The following UST variants were observed in gnomAD, a reference collection of about 807,000 sequenced individuals.
UST encodes the protein uronyl 2-sulfotransferase, also known as chondroitin sulfate 2-O-sulfotransferase.
A neutral mutation model predicts 45.6 loss-of-function variants in UST; 21 were observed. The observed-to-expected ratio is 0.46, with a 90% CI of 0.33 to 0.66. The LOEUF (loss-of-function observed/expected upper bound fraction) is 0.66. Ranked by LOEUF, UST falls within the 30% of genes least tolerant of loss-of-function variation. The pLI is 0.02. For missense variants in UST, 463 were observed against 512.4 expected (o/e 0.90, Z 0.93); for synonymous variants, 215 against 200.6 (o/e 1.07, Z -0.61).
intron 1 of UST, among the ~76,000 whole-genome samples, chr6:148,797,125 C>T (rs1776966764): frequency 6.6e-6 from 1 of 152,018 alleles, no homozygotes; most frequent in Admixed American, 6.6e-5. Flanking sequence ...TTAGAAAGCA[C>T]TGTCAGCTGG....
intron 1 of UST, among the ~76,000 whole-genome samples, chr6:148,791,065 C>G (rs940999428): frequency 2.0e-5 from 3 of 152,242 alleles, no homozygotes; most frequent in Non-Finnish European, 4.4e-5. Flanking sequence ...CAGTGCTTTT[C>G]TGACTCCACC....
intron 1 of UST, among the ~76,000 whole-genome samples, chr6:148,763,006 C>A (rs1017285769): frequency 2.6e-5 from 4 of 152,138 alleles, no homozygotes; most frequent in Admixed American, 6.5e-5. Context: ...TCTTTTCCTT[C>A]CCGTAGATAC....
chr6:148,958,004 A>G (rs896354425), intron 4 of UST, among the ~76,000 whole-genome samples: 4 of 152,064 alleles, frequency 2.6e-5, no homozygotes, highest in African/African-American at 9.7e-5. Flanking sequence ...CCCTCCCCAC[A>G]CTTTTTTTGC....
chr6:149,040,115 A>G (rs548873852), intron 7 of UST, among the ~76,000 whole-genome samples: 26 of 152,308 alleles, frequency 1.7e-4, no homozygotes, highest in Admixed American at 3.9e-4. Flanking sequence ...TCTCTTTTTC[A>G]TACAGTCCTG....
chr6:149,061,914 A>G (rs1313334759), intron 7 of UST, among the ~76,000 whole-genome samples: 1 of 152,260 alleles, frequency 6.6e-6, no homozygotes, highest in Admixed American at 6.5e-5. Context: ...ACATCACTAA[A>G]AAGTACCAAA....
intron 4 of UST, 88 bp from the exon 5 acceptor site, chr6:148,964,322 A>C: frequency 6.7e-7 from 1 of 1,497,124 alleles, no homozygotes; most frequent in Non-Finnish European, 9.2e-7. Context: ...TCAATAAGTT[A>C]ACCTAGAGGG....
intron 7 of UST, among the ~76,000 whole-genome samples, chr6:149,045,017 G>A (rs1438905323): frequency 6.6e-6 from 1 of 152,224 alleles, no homozygotes; most frequent in African/African-American, 2.4e-5. Context: ...GCCAAATTCT[G>A]TAAGTTGATA....
intron 5 of UST, among the ~76,000 whole-genome samples, chr6:148,971,945 A>G (rs1780925922): frequency 6.6e-6 from 1 of 152,216 alleles, no homozygotes; most frequent in Non-Finnish European, 1.5e-5. Flanking sequence ...CAGTGATCCA[A>G]GTGCAAGATA....
rs189233538 is a variant in UST, at chr6:148,810,649, C to A, written c.247+62972C>A. ...GTACCAGGGTAGTTCTGGCCTTGGC[C>A]TTTTTGGATGTGGGCTCAACTCTCT... On this transcript the variant is annotated intron_variant, in intron 1 of 7. Coordinates refer to ENST00000367463, the MANE Select transcript of UST (RefSeq NM_005715.3). Among the ~76,000 whole-genome samples the A allele has an allele frequency of 2.3e-4, 35 of 152,250 alleles. No individual in the cohort carries two copies. The East Asian group carries it at 6.6e-3, about 29-fold the overall frequency.
At chr6:148,754,508 C>T (rs1776058975) in intron 1 of UST, among the ~76,000 whole-genome samples, 1 of 152,128 alleles carries the variant, frequency 6.6e-6, no homozygotes, top group Non-Finnish European at 1.5e-5. Context: ...CATTCTTATG[C>T]CTTTACATCC....
intron 6 of UST, among the ~76,000 whole-genome samples, 169 bp from the exon 7 acceptor site, chr6:149,021,155 G>A (rs1171143848): frequency 2.0e-5 from 3 of 152,204 alleles, no homozygotes; most frequent in African/African-American, 4.8e-5. Flanking sequence ...ACACCAGTTG[G>A]AAGGACTGGG....
At chr6:148,905,865 TATAATATTCTTC>T (rs1779347412) in intron 2 of UST, among the ~76,000 whole-genome samples, 1 of 152,216 alleles carries the variant, frequency 6.6e-6, no homozygotes, top group Non-Finnish European at 1.5e-5. Flanking sequence ...CTTCTGACCT[TATAATATTCTTC>T]TGTAACAATA....
At chr6:149,019,281 G>A (rs1317941431) in intron 6 of UST, 45 bp downstream of exon 6, 2 of 1,474,672 alleles carry the variant, frequency 1.4e-6, no homozygotes, top group Non-Finnish European at 1.9e-6. Flanking sequence ...CGCACAACAA[G>A]GGCAAGAACC....
intron 1 of UST, among the ~76,000 whole-genome samples, chr6:148,835,570 CTCG>C (rs1777771959): frequency 1.3e-5 from 2 of 152,108 alleles, no homozygotes; most frequent in Admixed American, 6.5e-5. Context: ...GTGGTTTTGT[CTCG>C]AAGAGCTCAA....
At chr6:148,880,473 C>T (rs1778802144) in intron 1 of UST, among the ~76,000 whole-genome samples, 1 of 152,158 alleles carries the variant, frequency 6.6e-6, no homozygotes, top group African/African-American at 2.4e-5. Context: ...TATAAAACTG[C>T]CAAAGTAAAG....
intron 2 of UST, among the ~76,000 whole-genome samples, chr6:148,939,320 CT>C (rs1238719958): frequency 6.6e-6 from 1 of 152,136 alleles, no homozygotes; most frequent in Non-Finnish European, 1.5e-5. Context: ...ATCTCAACTA[CT>C]TTTTTGGGCA....
chr6:148,783,220 TAA>T (rs892591635), intron 1 of UST, among the ~76,000 whole-genome samples: 19 of 152,232 alleles, frequency 1.2e-4, no homozygotes, highest in African/African-American at 2.7e-4. Flanking sequence ...TTTTTAGATA[TAA>T]GTGTATTATT....
chr6:148,808,950 C>G (rs997373530), intron 1 of UST, among the ~76,000 whole-genome samples: 1 of 152,254 alleles, frequency 6.6e-6, no homozygotes, highest in African/African-American at 2.4e-5. Flanking sequence ...GACTTCCCCA[C>G]CTCCAGAATG....
rs552556799 is a variant in UST, at chr6:148,941,444, C to T, written c.447+10C>T. ...TACTAAAAATGAACAAGTAAGTTGACTTTGCACATTGTTAAATTGTGTTTT... is the reference window on the plus strand; with the variant it reads ...TACTAAAAATGAACAAGTAAGTTGATTTTGCACATTGTTAAATTGTGTTTT... On this transcript the variant is annotated intron_variant, in intron 3 of 7. Transcript: ENST00000367463. 4 of 1,585,250 alleles carry T rather than the reference C, an allele frequency of 2.5e-6. No individual in the cohort carries two copies. The East Asian group carries it at 9.0e-5, about 36-fold the overall frequency.
Sources: gnomAD v4.1 joint callset for allele counts (sites outside exome capture counted in the v4.1 genomes callset) on GRCh38, gnomAD v4.1.1 for gene constraint, MANE v1.5 for transcripts, NCBI Gene and HGNC (gene_info 2026-07-23, HGNC 2026-07-21) for gene names.